HPSE2: variants seen among roughly 807,000 people sequenced by gnomAD.
HPSE2 encodes heparanase 2 (inactive).
HPSE2 carries 38 observed loss-of-function variants against 60.5 expected under a neutral mutation model. The observed-to-expected ratio is 0.63, with a 90% CI of 0.48 to 0.82. The LOEUF is 0.82. HPSE2 is among the 40% of genes least tolerant of loss of function. HPSE2 has a pLI of 0.00. For missense variants in HPSE2, 713 were observed against 740.4 expected (o/e 0.96, Z 0.43); for synonymous variants, 295 against 293.2 (o/e 1.01, Z -0.06).
chr10:99,102,936 T>G (rs1844072099), intron 3 of HPSE2, among the ~76,000 whole-genome samples: 1 of 152,166 alleles, frequency 6.6e-6, no homozygotes, highest in African/African-American at 2.4e-5. Flanking sequence ...TCAACAACCC[T>G]TCATGCTAAA....
chr10:98,662,290 G>A (rs539233038), intron 6 of HPSE2, among the ~76,000 whole-genome samples: 16 of 152,262 alleles, frequency 1.1e-4, no homozygotes, highest in African/African-American at 3.9e-4. Context: ...GAAACTGACA[G>A]TACACATTAG....
intron 3 of HPSE2, among the ~76,000 whole-genome samples, chr10:99,095,721 T>C (rs1843697099): frequency 6.6e-6 from 1 of 152,252 alleles, no homozygotes; most frequent in South Asian, 2.1e-4. Flanking sequence ...TGTATCAATA[T>C]TTCATTTCTT....
At position 98,638,707 on chromosome 10, in the gene HPSE2, G is replaced by C. The variant is rs767758781; in HGVS notation, c.1098+3140C>G. On this transcript the variant is annotated intron_variant, in intron 7 of 11. Coordinates refer to ENST00000370552, the MANE Select transcript of HPSE2 (RefSeq NM_021828.5). Reference sequence around the variant, plus strand: ...CAGTGCTTAGCACACCTTGGGTTGTGGTGAGAGAGACTCTCCTCTTGGAGG... The same window carrying C: ...CAGTGCTTAGCACACCTTGGGTTGTCGTGAGAGAGACTCTCCTCTTGGAGG... Among the ~76,000 whole-genome samples, 203 of 152,278 alleles carry C rather than the reference G, an allele frequency of 1.3e-3. 1 individual carries two copies. The highest frequency in any genetic ancestry group is 2.5e-3 in the Non-Finnish European group (169 of 68,024).
At chr10:98,542,042 CCTG>C (rs1943487001) in intron 9 of HPSE2, among the ~76,000 whole-genome samples, 2 of 147,356 alleles carry the variant, frequency 1.4e-5, no homozygotes, top group Admixed American at 6.8e-5. Flanking sequence ...ACCCCTGACC[CCTG>C]ACCCCCAAGC....
intron 7 of HPSE2, among the ~76,000 whole-genome samples, chr10:98,639,256 A>G (rs1333674887): frequency 1.3e-5 from 2 of 152,180 alleles, no homozygotes; most frequent in Non-Finnish European, 2.9e-5. Context: ...CATGGAGCAG[A>G]GACAAACCAT....
chr10:99,223,789 A>T (rs960491425), intron 2 of HPSE2, among the ~76,000 whole-genome samples: 1 of 152,152 alleles, frequency 6.6e-6, no homozygotes, highest in African/African-American at 2.4e-5. Context: ...ATTGGAGTGC[A>T]TATTCAGAAA....
At chr10:98,919,682 A>ATATCAGAACAGAAATC (rs1954225965) in intron 3 of HPSE2, among the ~76,000 whole-genome samples, 1 of 152,240 alleles carries the variant, frequency 6.6e-6, no homozygotes, top group Non-Finnish European at 1.5e-5. Context: ...CTTTCTGCTC[A>ATATCAGAACAGAAATC]TATCAGAACA....
rs1951854887 is a variant in HPSE2, at chr10:98,839,078, C to T, written c.611-95022G>A. Among the ~76,000 whole-genome samples, 3 of 152,274 alleles carry T rather than the reference C, an allele frequency of 2.0e-5. No individual in the cohort carries two copies. The South Asian group carries it at 6.2e-4, about 32-fold the overall frequency. On this transcript the variant is annotated intron_variant, in intron 3 of 11. Transcript: ENST00000370552. ...CACATTTTACTACAGTATGTCTTTA[C>T]TAATGTAGGTAATGAGCCATATAAA...
chr10:99,031,807 G>C (rs144988163), intron 3 of HPSE2, among the ~76,000 whole-genome samples: 3 of 152,304 alleles, frequency 2.0e-5, no homozygotes, highest in Admixed American at 1.3e-4. Context: ...AAACAGTTAA[G>C]TCAGTAAGTC....
intron 3 of HPSE2, among the ~76,000 whole-genome samples, chr10:99,101,502 A>G (rs1288330965): frequency 6.6e-6 from 1 of 152,152 alleles, no homozygotes; most frequent in Non-Finnish European, 1.5e-5. Flanking sequence ...GTCCTTAGAG[A>G]CCTACAAAGA....
intron 3 of HPSE2, among the ~76,000 whole-genome samples, chr10:99,065,097 T>C (rs901606042): frequency 1.3e-5 from 2 of 152,224 alleles, no homozygotes; most frequent in African/African-American, 4.8e-5. Context: ...TTTTCTCAGT[T>C]TGTCACATAA....
At chr10:99,303,127 A>C in the HPSE2 span, among the ~76,000 whole-genome samples, 1 of 152,056 alleles carries the variant, frequency 6.6e-6, no homozygotes, top group Non-Finnish European at 1.5e-5. Flanking sequence ...GGTATTACCT[A>C]TCAACTTCAC....
At chr10:98,593,151 A>G (rs1945136242) in intron 9 of HPSE2, among the ~76,000 whole-genome samples, 1 of 152,236 alleles carries the variant, frequency 6.6e-6, no homozygotes, top group African/African-American at 2.4e-5. Context: ...GGAAAAATTG[A>G]TCCATCTATT....
At chr10:98,771,637 C>G (rs1950243245) in intron 3 of HPSE2, among the ~76,000 whole-genome samples, 1 of 152,122 alleles carries the variant, frequency 6.6e-6, no homozygotes, top group Admixed American at 6.5e-5. Flanking sequence ...GAGATATACT[C>G]CTAGGATTGG....
chr10:98,958,357 G>T, intron 3 of HPSE2, among the ~76,000 whole-genome samples: 1 of 151,596 alleles, frequency 6.6e-6, no homozygotes, highest in Admixed American at 6.6e-5. Context: ...AGATAACAAG[G>T]TTAAAAAAAA....
intron 3 of HPSE2, among the ~76,000 whole-genome samples, chr10:98,894,256 G>A (rs552021653): frequency 2.3e-4 from 35 of 152,190 alleles, no homozygotes; most frequent in African/African-American, 8.4e-4. Flanking sequence ...GGCACCATGA[G>A]CAAGAAATAG....
chr10:99,072,043 G>A (rs537810077), intron 3 of HPSE2, among the ~76,000 whole-genome samples: 69 of 146,324 alleles, frequency 4.7e-4, no homozygotes, highest in African/African-American at 1.7e-3. Flanking sequence ...TTTTTTAATT[G>A]TTTTGGTTAT....
At chr10:98,916,348 C>T (rs547837796) in intron 3 of HPSE2, among the ~76,000 whole-genome samples, 1 of 152,150 alleles carries the variant, frequency 6.6e-6, no homozygotes, top group African/African-American at 2.4e-5. Context: ...CAATGTCTAC[C>T]CCTTGCTGTA....
intron 3 of HPSE2, among the ~76,000 whole-genome samples, chr10:98,903,322 G>A (rs931071405): frequency 2.6e-5 from 4 of 151,970 alleles, no homozygotes; most frequent in African/African-American, 9.7e-5. Flanking sequence ...TTTTGGAGTA[G>A]TGAAAATGTA....
Sources: gnomAD v4.1 joint callset for allele counts (sites outside exome capture counted in the v4.1 genomes callset) on GRCh38, gnomAD v4.1.1 for gene constraint, MANE v1.5 for transcripts, NCBI Gene and HGNC (gene_info 2026-07-23, HGNC 2026-07-21) for gene names.